The following GALNT2 variants were observed in gnomAD, a reference collection of about 807,000 sequenced individuals.
The protein encoded by GALNT2 is polypeptide N-acetylgalactosaminyltransferase 2.
Under a neutral mutation model 81.4 loss-of-function variants are expected in GALNT2, and 31 were observed. That is an observed-to-expected ratio of 0.38 (90% CI 0.29 to 0.51). The LOEUF is 0.51. GALNT2 is among the 20% of genes least tolerant of loss of function. The probability of loss-of-function intolerance (pLI) is 0.87; values close to 1 mark genes in which losing one functional copy is unlikely to be tolerated. For missense variants in GALNT2, 629 were observed against 765.7 expected (o/e 0.82, Z 2.11); for synonymous variants, 303 against 287.4 (o/e 1.05, Z -0.55).
chr1:230,112,800 T>TGGGGGGAGGGGGGGGGGGGGGGGGGGGGG (rs1660743074), intron 1 of GALNT2, among the ~76,000 whole-genome samples: 1 of 76,114 alleles, frequency 1.3e-5, no homozygotes, highest in Non-Finnish European at 2.6e-5. Context: ...GGCAGGGGGG[T>TGGGGGGAGGGGGGGGGGGGGGGGGGGGGG]GGGGGGGACC....
chr1:230,244,030 T>G (rs1301976426), intron 7 of GALNT2, among the ~76,000 whole-genome samples: 2 of 151,876 alleles, frequency 1.3e-5, no homozygotes, highest in African/African-American at 4.8e-5. Flanking sequence ...TGGCCTTTTT[T>G]CACTTCTCTC....
At chr1:230,152,783 G>C (rs191582286) in intron 1 of GALNT2, among the ~76,000 whole-genome samples, 115 of 152,314 alleles carry the variant, frequency 7.6e-4, no homozygotes, top group African/African-American at 2.7e-3. Context: ...TCTTTGAACC[G>C]CTTGTCATTG....
intron 2 of GALNT2, among the ~76,000 whole-genome samples, chr1:230,185,479 G>A (rs973972790): frequency 1.3e-5 from 2 of 152,072 alleles, no homozygotes; most frequent in African/African-American, 4.8e-5. Flanking sequence ...ATTCTTTTAG[G>A]GAACCTTTGT....
intron 1 of GALNT2, among the ~76,000 whole-genome samples, chr1:230,121,888 G>A (rs901009012): frequency 3.4e-5 from 5 of 148,210 alleles, no homozygotes; most frequent in African/African-American, 1.2e-4. Context: ...ATCTTATAAC[G>A]TTTATTTTTT....
At chr1:230,147,089 G>A (rs976502974) in intron 1 of GALNT2, among the ~76,000 whole-genome samples, 3 of 152,264 alleles carry the variant, frequency 2.0e-5, no homozygotes, top group African/African-American at 4.8e-5. Flanking sequence ...ACAGGAGGCA[G>A]TGTCTGCATA....
At chr1:230,080,235 C>T (rs1659685986) in intron 1 of GALNT2, among the ~76,000 whole-genome samples, 1 of 152,050 alleles carries the variant, frequency 6.6e-6, no homozygotes, top group African/African-American at 2.4e-5. Context: ...TCAAATGTGC[C>T]ATAGTTGTTT....
chr1:230,131,763 G>A (rs113816831), intron 1 of GALNT2, among the ~76,000 whole-genome samples: 2 of 152,176 alleles, frequency 1.3e-5, no homozygotes, highest in African/African-American at 4.8e-5. Context: ...AGTGAGGGTC[G>A]TGATCAACTC....
At chr1:230,259,890 C>CTTTT (rs1665826065) in intron 11 of GALNT2, 1 of 152,116 alleles carries the variant, frequency 6.6e-6, no homozygotes, top group Non-Finnish European at 1.5e-5. Context: ...GGTACCCAGA[C>CTTTT]AAAAAGAGGG....
intron 1 of GALNT2, among the ~76,000 whole-genome samples, chr1:230,092,835 A>G (rs892819364): frequency 1.3e-5 from 2 of 152,222 alleles, no homozygotes; most frequent in Non-Finnish European, 2.9e-5. Flanking sequence ...TCTGGGGTCA[A>G]ATTTAGGGGG....
rs113423170 is a variant in GALNT2, at chr1:230,155,775, G to A, written c.127-22443G>A. 4.1e-4 allele frequency among the ~76,000 whole-genome samples: 63 copies of A among 152,336 alleles called. 1 individual carries two copies. Among genetic ancestry groups the A allele is most frequent in the African/African-American group, 1.5e-3 (61 of 41,588 alleles). ...TGGCCCATCCTGACTGGAAGAGAGA[G>A]ATTAGATTGAGGGCCAGGTCGTGAG... On this transcript the variant is annotated intron_variant, in intron 1 of 15. Transcript: ENST00000366672.
At chr1:230,169,437 A>G (rs867022073) in intron 1 of GALNT2, among the ~76,000 whole-genome samples, 1 of 152,228 alleles carries the variant, frequency 6.6e-6, no homozygotes, top group African/African-American at 2.4e-5. Flanking sequence ...TTTGCAAACT[A>G]TTCCTAGTTG....
intron 1 of GALNT2, among the ~76,000 whole-genome samples, chr1:230,171,663 T>C (rs920927782): frequency 7.2e-5 from 11 of 152,240 alleles, no homozygotes; most frequent in African/African-American, 2.7e-4. Flanking sequence ...TTAACAAATA[T>C]GATGTTCGCC....
intron 2 of GALNT2, 42 bp from the exon 3 acceptor site, chr1:230,203,095 C>T: frequency 6.3e-7 from 1 of 1,581,684 alleles, no homozygotes; most frequent in South Asian, 1.1e-5. Context: ...AGCACTTGGT[C>T]ACATTTTCCC....
chr1:230,244,975 G>T (rs530929175), intron 7 of GALNT2, among the ~76,000 whole-genome samples: 1 of 152,290 alleles, frequency 6.6e-6, no homozygotes, highest in South Asian at 2.1e-4. Context: ...GGTTCTCTAA[G>T]TGGCTCAGGG....
chr1:230,268,630 C>G (rs566581468), intron 14 of GALNT2: 56 of 152,402 alleles, frequency 3.7e-4, no homozygotes, highest in African/African-American at 1.3e-3. Flanking sequence ...CTGGCTCACC[C>G]CCCGCCAGCA....
intron 1 of GALNT2, among the ~76,000 whole-genome samples, chr1:230,156,233 A>AAAG (rs1558114255): frequency 0.016 from 1,947 of 119,212 alleles, 26 homozygotes; most frequent in Non-Finnish European, 0.026. Context: ...GAGAGAGAGA[A>AAAG]AGAGAGAGAG....
intron 3 of GALNT2, among the ~76,000 whole-genome samples, chr1:230,215,563 A>G (rs1220267616): frequency 2.6e-5 from 4 of 152,238 alleles, no homozygotes; most frequent in African/African-American, 7.2e-5. Context: ...TTTATTTGGA[A>G]TTCAAATCCA....
upstream of GALNT2, among the ~76,000 whole-genome samples, chr1:230,065,980 TAA>T (rs1206059587): frequency 1.3e-5 from 2 of 152,268 alleles, no homozygotes; most frequent in African/African-American, 4.8e-5. Flanking sequence ...TTTCTATTTA[TAA>T]AGAGGTGACA....
intron 1 of GALNT2, among the ~76,000 whole-genome samples, chr1:230,145,283 A>G (rs1015302126): frequency 9.2e-5 from 14 of 152,154 alleles, no homozygotes; most frequent in Admixed American, 6.5e-4. Context: ...TGAGCGTCTC[A>G]GAAATCTGCA....
Sources: gnomAD v4.1 joint callset for allele counts (sites outside exome capture counted in the v4.1 genomes callset) on GRCh38, gnomAD v4.1.1 for gene constraint, MANE v1.5 for transcripts, NCBI Gene and HGNC (gene_info 2026-07-23, HGNC 2026-07-21) for gene names.